Variants in CSE1L observed in about 807,000 individuals in gnomAD.
The protein encoded by CSE1L is chromosome segregation 1 like.
CSE1L carries 24 observed loss-of-function variants against 120.4 expected under a neutral mutation model. The ratio of observed to expected loss-of-function variants is 0.20; its 90% CI spans 0.14 to 0.28. The LOEUF is 0.28. Among genes scored for constraint, CSE1L ranks in the 10% least tolerant of loss-of-function variants. CSE1L has a pLI of 1.00. For synonymous variants in CSE1L, 402 were observed against 398.3 expected (o/e 1.01, Z -0.11); for missense variants, 830 against 1,145.2 (o/e 0.72, Z 3.97).
In CSE1L at chr20:49,058,327, C is replaced by T. The variant is rs2123667687; in HGVS notation, c.-11-126C>T. 4 of 534,130 alleles carry T rather than the reference C, an allele frequency of 7.5e-6. No individual in the cohort carries two copies. The East Asian group carries it at 9.0e-5, about 12-fold the overall frequency. 33.1% of individuals were successfully genotyped at this position (534,130 alleles called of 1,614,324 possible). ...TCTTGTCTCAGAGTCAGGTTTACTG[C>T]CCATATAAAAAACAACAGATGGATG... On this transcript the variant is annotated intron_variant, in intron 1 of 24. Transcript: ENST00000262982.
rs1555824693 is a variant in CSE1L at position 49,080,988 on chromosome 20, TC to T, written c.1482+2367del. Among the ~76,000 whole-genome samples, 223 of 64,448 alleles carry T rather than the reference TC, an allele frequency of 3.5e-3. 1 individual carries two copies. The highest frequency in any genetic ancestry group is 0.013 in the Middle Eastern group (2 of 158). 42.3% of individuals were successfully genotyped at this position (64,448 alleles called of 152,430 possible). A position where few individuals can be genotyped will look rare whatever the true frequency, so the allele number is the denominator to read the frequency against. ...AGTTTATTGTTTCTTTCTTTCTCCT[TC>T]TTTTTTTTTTTTGAGAGGTAGTTTT... On this transcript the variant is annotated intron_variant, in intron 14 of 24. Coordinates refer to ENST00000262982, the MANE Select transcript of CSE1L (RefSeq NM_001316.4).
At chr20:49,063,127 T>C in intron 2 of CSE1L, 75 bp from the exon 3 acceptor site, 1 of 631,920 alleles carries the variant, frequency 1.6e-6, no homozygotes, top group Non-Finnish European at 2.2e-6. Flanking sequence ...GATTTTTTTT[T>C]ATATATATAT....
At chr20:49,084,928 C>G (rs2092042855) in intron 15 of CSE1L, among the ~76,000 whole-genome samples, 1 of 152,074 alleles carries the variant, frequency 6.6e-6, no homozygotes, top group Non-Finnish European at 1.5e-5. Flanking sequence ...ATGCAGAAAA[C>G]AGTTCTGAAT....
chr20:49,047,552 C>CTTTT (rs1230411564), intron 1 of CSE1L, among the ~76,000 whole-genome samples: 1 of 89,802 alleles, frequency 1.1e-5, no homozygotes, highest in African/African-American at 4.6e-5. Flanking sequence ...TTTTCTTTTT[C>CTTTT]TTTTCTCTTT....
chr20:49,089,422 T>A, intron 18 of CSE1L, 25 bp downstream of exon 18: 1 of 1,608,078 alleles, frequency 6.2e-7, no homozygotes, highest in Non-Finnish European at 8.5e-7. Context: ...ATTATTTTCT[T>A]TGTAATGGAA....
intron 14 of CSE1L, among the ~76,000 whole-genome samples, chr20:49,082,314 G>A (rs960954950): frequency 1.3e-5 from 2 of 151,464 alleles, no homozygotes; most frequent in African/African-American, 4.9e-5. Context: ...ACCACGCCCA[G>A]CAATTTTTTG....
At chr20:49,091,965 T>C in intron 21 of CSE1L, 81 bp from the exon 22 acceptor site, 1 of 737,652 alleles carries the variant, frequency 1.4e-6, no homozygotes. Flanking sequence ...TGATTAAGCA[T>C]AGGTTTATTT....
chr20:49,072,401 C>G lies in CSE1L; in HGVS notation c.884C>G (p.Thr295Arg), dbSNP rs1374451443. ...CAGCGATACCTGCCTCGTTTTGTTA[C>G]AGCCATCTGGAATTTACTAGTTACA... ...EFQRYLPRFV[T>R]AIWNLLVTTG... Residue 295 changes from threonine to arginine, a missense_variant, in exon 9 of 25, where the codon ACA becomes AGA. By Grantham distance (71) the Thr-to-Arg change is moderately conservative. Around this residue, in one of 4 missense-constraint regions of CSE1L, gnomAD observed 543 missense variants for 640.2 expected, o/e 0.85. Coordinates refer to ENST00000262982, the MANE Select transcript of CSE1L (RefSeq NM_001316.4). 3.1e-6 allele frequency: 5 copies of G among 1,614,192 alleles called. No individual in the cohort carries two copies. Among genetic ancestry groups the G allele is most frequent in the Non-Finnish European group, 4.2e-6 (5 of 1,180,022 alleles).
chr20:49,088,575 AAAAT>A (rs1348872827), intron 17 of CSE1L, among the ~76,000 whole-genome samples: 4 of 152,228 alleles, frequency 2.6e-5, no homozygotes, highest in Non-Finnish European at 1.5e-5. Flanking sequence ...TAAATTTTAG[AAAAT>A]AAATCCGTTT....
At chr20:49,055,372 A>G (rs1568762064) in intron 1 of CSE1L, among the ~76,000 whole-genome samples, 1 of 152,180 alleles carries the variant, frequency 6.6e-6, no homozygotes, top group South Asian at 2.1e-4. Flanking sequence ...GAACTATTAC[A>G]GAAGCTCCTT....
intron 8 of CSE1L, 42 bp from the exon 9 acceptor site, chr20:49,072,244 A>T: frequency 6.2e-7 from 1 of 1,601,528 alleles, no homozygotes; most frequent in Non-Finnish European, 8.5e-7. Flanking sequence ...TTATGTTAGC[A>T]TTAGAGTTGT....
At chr20:49,047,777 G>T (rs568972956) in intron 1 of CSE1L, among the ~76,000 whole-genome samples, 1 of 151,602 alleles carries the variant, frequency 6.6e-6, no homozygotes, top group Non-Finnish European at 1.5e-5. Flanking sequence ...TAGAGACGGG[G>T]TTTCACCATG....
At chr20:49,086,630 GC>G (rs1371523380) in intron 16 of CSE1L, among the ~76,000 whole-genome samples, 5 of 152,080 alleles carry the variant, frequency 3.3e-5, no homozygotes, top group African/African-American at 1.2e-4. Flanking sequence ...CTCCCAAAGT[GC>G]TGGGATTACA....
chr20:49,074,882 CT>C, intron 11 of CSE1L, 32 bp downstream of exon 11: 1 of 1,538,670 alleles, frequency 6.5e-7, no homozygotes, highest in Non-Finnish European at 8.9e-7. Context: ...TTACTAGTCT[CT>C]TAGCAAGCCA....
chr20:49,090,625 AAAGAG>A (rs2092093765), intron 19 of CSE1L, 112 bp from the exon 20 acceptor site: 3 of 761,734 alleles, frequency 3.9e-6, no homozygotes, highest in Admixed American at 2.4e-5. Context: ...AGAAATAATT[AAAGAG>A]AAAAGGATAG....
At position 49,094,523 on chromosome 20, in the gene CSE1L, A is replaced by G. The variant is rs2092125390; in HGVS notation, c.2595-209A>G. On this transcript the variant is annotated intron_variant, in intron 23 of 24. Coordinates refer to ENST00000262982, the MANE Select transcript of CSE1L (RefSeq NM_001316.4). ...AAGAGTCTGATCTAGGTGATCTCTAAGACAATTTTATGACAGAAGCCCAAC... is the reference window on the plus strand; with the variant it reads ...AAGAGTCTGATCTAGGTGATCTCTAGGACAATTTTATGACAGAAGCCCAAC... Among the ~76,000 whole-genome samples the G allele has an allele frequency of 3.9e-5, 6 of 152,194 alleles. No homozygotes were observed. The South Asian group carries it at 1.2e-3, about 32-fold the overall frequency.
chr20:49,050,631 G>A (rs1568759358), intron 1 of CSE1L, among the ~76,000 whole-genome samples: 3 of 150,956 alleles, frequency 2.0e-5, no homozygotes, highest in South Asian at 4.2e-4. Flanking sequence ...GGCTGGTCTC[G>A]AACTCCTGAC....
At chr20:49,078,257 T>G (rs2091984136) in intron 13 of CSE1L, among the ~76,000 whole-genome samples, 1 of 152,172 alleles carries the variant, frequency 6.6e-6, no homozygotes, top group Non-Finnish European at 1.5e-5. Context: ...TAGAGAGACA[T>G]GTTTCTAATT....
Position 49,063,272 on chromosome 20 carries a change from G to C in CSE1L, c.156G>C (p.Lys52Asn). The change falls in exon 3 of 25, where the codon AAG becomes AAC. Residue 52 changes from lysine to asparagine, a missense_variant. Lys to Asn is a moderately conservative substitution (Grantham distance 94, BLOSUM62 0). Transcript: ENST00000262982. ...YPLLLLTLLEKSQDNVIKVCA... is the reference protein window; with the variant it reads ...YPLLLLTLLENSQDNVIKVCA... ...TGTTGCTTTTGACATTACTGGAGAA[G>C]TCCCAGGATAATGTTATCAAAGTAT... 1 of 1,588,266 alleles carries C rather than the reference G, an allele frequency of 6.3e-7. No individual in the cohort carries two copies. The highest frequency in any genetic ancestry group is 8.6e-7 in the Non-Finnish European group (1 of 1,164,160).
Sources: allele counts gnomAD v4.1 joint callset (sites outside exome capture counted in the v4.1 genomes callset), GRCh38; gene constraint gnomAD v4.1.1; regional missense constraint gnomAD v4.1.1; transcripts MANE v1.5; gene names NCBI Gene and HGNC (gene_info 2026-07-23, HGNC 2026-07-21).